Variants in PHF1 observed in about 807,000 individuals in gnomAD.
PHF1 encodes the protein polycomb-like 1.
A neutral mutation model predicts 69.4 loss-of-function variants in PHF1; 16 were observed. That is an observed-to-expected ratio of 0.23 (90% confidence interval 0.16 to 0.35). The LOEUF (loss-of-function observed/expected upper bound fraction) is 0.35. Among genes scored for constraint, PHF1 ranks in the 10% least tolerant of loss-of-function variants. The pLI is 1.00. For missense variants in PHF1, 515 were observed against 732.8 expected, an observed-to-expected ratio of 0.70 and a Z score of 3.43; for synonymous variants, 274 against 275.0, an observed-to-expected ratio of 1.00 and a Z score of 0.04.
Position 33,414,885 on chromosome 6 carries a change from T to C in PHF1, c.1049+56T>C, listed in dbSNP as rs1776329522. On this transcript the variant is annotated intron_variant, in intron 11 of 14. Coordinates refer to ENST00000374516, the MANE Select transcript of PHF1 (RefSeq NM_024165.3). The surrounding 1 kb of genome is among the most constrained non-coding windows in gnomAD (Gnocchi z 5.0). Reference sequence around the variant, plus strand: ...CTCAGGGTGTTAGTCCTGGGGGGTATATGTATAGAGATGGGGAGGTCTTGG... The same window carrying C: ...CTCAGGGTGTTAGTCCTGGGGGGTACATGTATAGAGATGGGGAGGTCTTGG... 41 of 1,532,406 alleles carry C rather than the reference T, an allele frequency of 2.7e-5. No homozygotes were observed. In the South Asian group the frequency reaches 4.1e-4, roughly 15 times the overall value. The allele number at this position is 1,532,406 out of a possible 1,614,324, so 94.9% of individuals were successfully genotyped here. A position where few individuals can be genotyped will look rare whatever the true frequency, so the allele number is the denominator to read the frequency against.
In PHF1 at chr6:33,413,401, C is replaced by T. The variant is rs745807018; in HGVS notation, c.439-8C>T. ...CTCTGAAGCCACCCACCTGTCCTGT[C>T]TCTGCAGAGGGGAGGTGCCCTGAAG... On this transcript the variant is annotated splice_region_variant and splice_polypyrimidine_tract_variant and intron_variant, in intron 5 of 14. Transcript: ENST00000374516. The T allele has an allele frequency of 1.2e-6, 2 of 1,613,952 alleles. No homozygotes were observed. The highest frequency in any genetic ancestry group is 1.7e-6 in the Non-Finnish European group (2 of 1,179,960).
intron 12 of PHF1, 27 bp from the exon 13 acceptor site, chr6:33,415,208 C>T (rs372638583): frequency 6.2e-7 from 1 of 1,611,428 alleles, no homozygotes; most frequent in South Asian, 1.1e-5. Flanking sequence ...CAAGGATTAT[C>T]TCTCAGTCCT....
chr6:33,413,520 C>T lies in PHF1; in HGVS notation c.550C>T (p.Arg184Ter). 6.2e-7 allele frequency: 1 copy of T among 1,614,176 alleles called. No individual in the cohort carries two copies. The highest frequency in any genetic ancestry group is 8.5e-7 in the Non-Finnish European group (1 of 1,180,030). The part of the protein sequence containing the change: ...LDWDAGHLSN[R>*]QQSYCYCGGP... The stretch of plus-strand genomic sequence containing the variant: ...CTGGGATGCTGGACATCTGAGCAAC[C>T]GACAGCAGAGTTACTGTTACTGTGG... The change falls in exon 6 of 15, where the codon CGA (arginine) becomes TGA (stop). Residue 184 changes from arginine to a stop codon, truncating the protein, a stop_gained. Transcript: ENST00000374516. LOFTEE classifies it high-confidence loss of function.
At chr6:33,413,925 T>C in intron 7 of PHF1, 94 bp downstream of exon 7, 1 of 1,533,322 alleles carries the variant, frequency 6.5e-7, no homozygotes, top group South Asian at 1.1e-5. Flanking sequence ...CTCCAGTCTC[T>C]TCCCAACCTC....
At chr6:33,413,622 G>A (rs1776236254) in intron 6 of PHF1, 65 bp downstream of exon 6, 1 of 1,609,208 alleles carries the variant, frequency 6.2e-7, no homozygotes, top group African/African-American at 1.3e-5. Flanking sequence ...AGGAAATGAA[G>A]GAAAAAGAAC....
chr6:33,410,506 G>C (rs981836234), upstream of PHF1: 6 of 151,474 alleles, frequency 4.0e-5, no homozygotes, highest in African/African-American at 1.2e-4. Context: ...GTCCTCCCAG[G>C]TGCCGCGCGC....
Position 33,412,278 on chromosome 6 carries a change from C to T in PHF1, c.15C>T (p.Pro5=). 6.2e-7 allele frequency: 1 copy of T among 1,613,730 alleles called. No individual in the cohort carries two copies. Among genetic ancestry groups the T allele is most frequent in the South Asian group, 1.1e-5 (1 of 91,072 alleles). The part of the protein sequence containing the change: MAQP[P]RLSRSGASSL... The stretch of plus-strand genomic sequence containing the variant: ...CCCAGGATGCAATGGCGCAGCCCCC[C>T]CGGCTGAGCCGCTCTGGTGCCTCCT... Residue 5 remains proline (P), a synonymous_variant, in exon 2 of 15, where the codon CCC becomes CCT. Coordinates refer to ENST00000374516, the MANE Select transcript of PHF1 (RefSeq NM_024165.3). The surrounding 1 kb of genome is among the most constrained non-coding windows in gnomAD (Gnocchi z 4.2).
chr6:33,415,528 C>T (rs935706392), intron 13 of PHF1, 62 bp from the exon 14 acceptor site: 3 of 1,547,346 alleles, frequency 1.9e-6, no homozygotes, highest in East Asian at 4.5e-5. Context: ...CTCTGCACTT[C>T]CCAGGGGGAG....
Position 33,414,310 on chromosome 6 carries a change from G to C in PHF1, c.820G>C (p.Asp274His). ...CTGTAAGAAGAAATACTTTGATTTT[G>C]ATCGTGAGATCCTCCCCTTCACTTC... ...VCCKKKYFDF[D>H]REILPFTSEN... Residue 274 changes from aspartate to histidine, a missense_variant, in exon 9 of 15, where the codon GAT (aspartate) becomes CAT (histidine). Asp to His is a moderately conservative substitution (Grantham distance 81, BLOSUM62 -1). Around this residue, in one of 5 missense-constraint regions of PHF1, gnomAD observed 142 missense variants for 309.7 expected, o/e 0.46. Transcript: ENST00000374516. This position sits in a 1 kb window ranked among gnomAD's most constrained non-coding sequence, Gnocchi z 5.0. 6.2e-7 allele frequency: 1 copy of C among 1,614,108 alleles called. No homozygotes were observed. The highest frequency in any genetic ancestry group is 1.1e-5 in the South Asian group (1 of 91,076).
chr6:33,416,000 C>G lies in PHF1; in HGVS notation c.1606C>G (p.Leu536Val), dbSNP rs1776446733. 3 of 1,613,984 alleles carry G rather than the reference C, an allele frequency of 1.9e-6. No individual in the cohort carries two copies. Among genetic ancestry groups the G allele is most frequent in the Non-Finnish European group, 2.5e-6 (3 of 1,179,888 alleles). Residue 536 changes from leucine to valine, a missense_variant, in exon 15 of 15, where the codon CTG becomes GTG. Transcript: ENST00000374516. Reference protein sequence around the residue: ...GGGVRGGVGYLSRGDPVRVLA... With the variant: ...GGGVRGGVGYVSRGDPVRVLA... ...AGGAGTCCGAGGTGGGGTTGGTTACCTGTCCCGAGGGGACCCTGTCCGGGT... is the reference window on the plus strand; with the variant it reads ...AGGAGTCCGAGGTGGGGTTGGTTACGTGTCCCGAGGGGACCCTGTCCGGGT...
rs1776179736 is a variant in PHF1, at chr6:33,412,848, T to A, written c.337+55T>A. 3 of 1,424,786 alleles carry A rather than the reference T, an allele frequency of 2.1e-6. No individual in the cohort carries two copies. In the South Asian group the frequency reaches 3.4e-5, roughly 16 times the overall value. 88.3% of individuals were successfully genotyped at this position (1,424,786 alleles called of 1,614,324 possible). A position where few individuals can be genotyped will look rare whatever the true frequency, so the allele number is the denominator to read the frequency against. On this transcript the variant is annotated intron_variant, in intron 4 of 14. Transcript: ENST00000374516. The surrounding 1 kb of genome is among the most constrained non-coding windows in gnomAD (Gnocchi z 4.2). ...GCTTGCTCTTCCCTCCAGGATGGTC[T>A]CTATATCACCTGTCCTGGCCTTAGT...
rs1301064755 is a variant in PHF1, at chr6:33,415,341, T to G, written c.1334+12T>G. 3 of 1,595,092 alleles carry G rather than the reference T, an allele frequency of 1.9e-6. No individual in the cohort carries two copies. The highest frequency in any genetic ancestry group is 2.6e-6 in the Non-Finnish European group (3 of 1,164,698). On this transcript the variant is annotated intron_variant, in intron 13 of 14. Transcript: ENST00000374516. ...CGCTGCCTGCCCAGGTCAGTGCTCC[T>G]CTGCCCCTCCCCCACAAAATATGCT...
At position 33,414,238 on chromosome 6, in the gene PHF1, T is replaced by C. The variant is rs765292759; in HGVS notation, c.753-5T>C. ...TCTGTGGTCTTGAAAACTTTGTTTT[T>C]CCAGGGTGGATGTGGCCCATCTTGT... is the stretch of plus-strand genomic sequence containing the variant. On this transcript the variant is annotated splice_region_variant and splice_polypyrimidine_tract_variant and intron_variant, in intron 8 of 14. Coordinates refer to ENST00000374516, the MANE Select transcript of PHF1 (RefSeq NM_024165.3). The surrounding 1 kb of genome is among the most constrained non-coding windows in gnomAD (Gnocchi z 5.0). 1.2e-6 allele frequency: 2 copies of C among 1,614,112 alleles called. No homozygotes were observed. Among genetic ancestry groups the C allele is most frequent in the Non-Finnish European group, 1.7e-6 (2 of 1,180,010 alleles).
Position 33,415,008 on chromosome 6 carries a change from G to A in PHF1, c.1103G>A (p.Arg368His), listed in dbSNP as rs753219003. 8.9e-6 allele frequency: 14 copies of A among 1,564,262 alleles called. No individual in the cohort carries two copies. Among genetic ancestry groups the A allele is most frequent in the East Asian group, 4.8e-5 (2 of 41,644 alleles). ...GGGGTCTCACGTCCCCTGGGGAAGC[G>A]CCGGAGGCCGGAGCCAGAGCCCCTG... is the stretch of plus-strand genomic sequence containing the variant. The part of the protein sequence containing the change: ...GGGVSRPLGK[R>H]RRPEPEPLRR... Residue 368 changes from arginine to histidine, a missense_variant, in exon 12 of 15, where the codon CGC becomes CAC. Physicochemically the swap from Arg to His is conservative, Grantham distance 29. Around this residue, in one of 5 missense-constraint regions of PHF1, gnomAD observed 274 missense variants for 304.5 expected, o/e 0.90. Coordinates refer to ENST00000374516, the MANE Select transcript of PHF1 (RefSeq NM_024165.3).
Position 33,414,580 on chromosome 6 carries a change from C to T in PHF1, c.944+36C>T, listed in dbSNP as rs1442483852. ...GGGAAGAGGAGGCAAGGATGAGGCT[C>T]GGAAAGAGATGGAGAGTGGAAGCCT... On this transcript the variant is annotated intron_variant, in intron 10 of 14. Coordinates refer to ENST00000374516, the MANE Select transcript of PHF1 (RefSeq NM_024165.3). The surrounding 1 kb of genome is among the most constrained non-coding windows in gnomAD (Gnocchi z 5.0). The T allele has an allele frequency of 1.9e-6, 3 of 1,605,896 alleles. No individual in the cohort carries two copies. Among genetic ancestry groups the T allele is most frequent in the Middle Eastern group, 1.7e-4 (1 of 6,060 alleles).
chr6:33,413,653 G>T (rs1776238469), intron 6 of PHF1, 83 bp from the exon 7 acceptor site: 2 of 1,597,586 alleles, frequency 1.3e-6, no homozygotes. Context: ...TAGCACTCAG[G>T]GGGATAGGAG....
rs962862994 is a variant in PHF1 at position 33,412,792 on chromosome 6, T to C, written c.336T>C (p.His112=). 1 of 1,613,286 alleles carries C rather than the reference T, an allele frequency of 6.2e-7. No homozygotes were observed. The highest frequency in any genetic ancestry group is 8.5e-7 in the Non-Finnish European group (1 of 1,179,436). ...NRLVSCEKCR[H]AYHQDCHVPR... ...TGGTCAGCTGTGAGAAGTGTCGCCA[T>C]GGTGAGAGGGCAGGTCACCTGAATG... Residue 112 remains histidine (H), a splice_region_variant and synonymous_variant, in exon 4 of 15, where the codon CAT becomes CAC. Transcript: ENST00000374516. The surrounding 1 kb of genome is among the most constrained non-coding windows in gnomAD (Gnocchi z 4.2).
chr6:33,415,262 C>T lies in PHF1; in HGVS notation c.1267C>T (p.Pro423Ser). The T allele has an allele frequency of 3.1e-6, 5 of 1,613,978 alleles. No individual in the cohort carries two copies. The highest frequency in any genetic ancestry group is 4.2e-6 in the Non-Finnish European group (5 of 1,179,930). The stretch of plus-strand genomic sequence containing the variant: ...CTCAGTGTCTCCACCATCCCCCAGC[C>T]CTAACCAGAGTTACCAGGGCAGCAG... ...QASVSPPSPS[P>S]NQSYQGSSGY... The change falls in exon 13 of 15, where the codon CCT becomes TCT. Residue 423 changes from proline to serine, a missense_variant. By Grantham distance (74) the Pro-to-Ser change is moderately conservative. Coordinates refer to ENST00000374516, the MANE Select transcript of PHF1 (RefSeq NM_024165.3).
At position 33,414,195 on chromosome 6, in the gene PHF1, C is replaced by T; in HGVS notation, c.753-48C>T. On this transcript the variant is annotated intron_variant, in intron 8 of 14. Transcript: ENST00000374516. This position sits in a 1 kb window ranked among gnomAD's most constrained non-coding sequence, Gnocchi z 5.0. ...CCCCAACCTCCCACCTCAGGACTCC[C>T]CTGGCTCTTAAAATGCCTCTGTGGT... 3 of 1,614,042 alleles carry T rather than the reference C, an allele frequency of 1.9e-6. No individual in the cohort carries two copies. Among genetic ancestry groups the T allele is most frequent in the Non-Finnish European group, 2.5e-6 (3 of 1,179,930 alleles).
Sources: allele counts gnomAD v4.1 joint callset, GRCh38; gene constraint gnomAD v4.1.1; regional missense constraint gnomAD v4.1.1; non-coding constraint Gnocchi (gnomAD v3.1); transcripts MANE v1.5; gene names NCBI Gene and HGNC (gene_info 2026-07-23, HGNC 2026-07-21).